Variants in USP28 observed in about 807,000 individuals in gnomAD.
USP28 encodes the protein ubiquitin specific peptidase 28.
In USP28, 113 loss-of-function variants were observed where a neutral mutation model predicts 145.0. The observed-to-expected ratio is 0.78, with a 90% CI of 0.67 to 0.91. The LOEUF is 0.91. Among genes scored for constraint, USP28 ranks in the 40% least tolerant of loss-of-function variants. USP28 has a pLI of 0.00. For missense variants in USP28, 1,201 were observed against 1,289.6 expected, an observed-to-expected ratio of 0.93 and a Z score of 1.05; for synonymous variants, 447 against 450.9, an observed-to-expected ratio of 0.99 and a Z score of 0.11.
intron 5 of USP28, chr11:113,835,395 C>T (rs1944453496): frequency 4.4e-5 from 20 of 454,466 alleles, no homozygotes; most frequent in South Asian, 3.0e-4. Flanking sequence ...ATTCTAAAAG[C>T]CCCAGGTATA....
chr11:113,850,160 G>C (rs528939589), intron 3 of USP28, among the ~76,000 whole-genome samples: 1 of 152,178 alleles, frequency 6.6e-6, no homozygotes, highest in East Asian at 1.9e-4. Flanking sequence ...GTTAAAGAGA[G>C]TATAAATAGG....
chr11:113,843,030 A>C (rs987794306), intron 3 of USP28, among the ~76,000 whole-genome samples: 2 of 152,276 alleles, frequency 1.3e-5, no homozygotes, highest in Admixed American at 6.5e-5. Flanking sequence ...CAGGAGTTTG[A>C]GACCAACCTG....
chr11:113,826,959 C>T (rs1326647731), intron 11 of USP28, among the ~76,000 whole-genome samples: 1 of 151,488 alleles, frequency 6.6e-6, no homozygotes, highest in East Asian at 1.9e-4. Flanking sequence ...TGTAAGTCTG[C>T]TAGGAGCACC....
chr11:113,835,582 G>C (rs185459292), intron 5 of USP28, among the ~76,000 whole-genome samples: 19 of 152,326 alleles, frequency 1.2e-4, no homozygotes, highest in Admixed American at 1.2e-3. Flanking sequence ...TCTGGGACCA[G>C]GGCTTGGCTG....
chr11:113,820,273 A>C (rs1473805184), intron 12 of USP28: 1 of 152,160 alleles, frequency 6.6e-6, no homozygotes, highest in African/African-American at 2.4e-5. Context: ...TTAGAACCCA[A>C]AGGAGAACTA....
chr11:113,851,785 A>C (rs1457794958), intron 3 of USP28, among the ~76,000 whole-genome samples: 1 of 116,798 alleles, frequency 8.6e-6, no homozygotes, highest in East Asian at 2.1e-4. Flanking sequence ...ACTCCATCTC[A>C]AAAAAAAAAA....
chr11:113,842,462 G>A (rs1945309147), intron 3 of USP28, among the ~76,000 whole-genome samples: 1 of 151,960 alleles, frequency 6.6e-6, no homozygotes, highest in Non-Finnish European at 1.5e-5. Context: ...GCGGGCGCCT[G>A]TAGTCCCAGC....
chr11:113,827,418 A>G, intron 10 of USP28, 58 bp from the exon 11 acceptor site: 1 of 1,501,574 alleles, frequency 6.7e-7, no homozygotes, highest in Admixed American at 2.3e-5. Flanking sequence ...AAATTACAAT[A>G]ACCAGATTTA....
chr11:113,811,517 G>A (rs1207167862), intron 16 of USP28, among the ~76,000 whole-genome samples: 2 of 152,074 alleles, frequency 1.3e-5, no homozygotes, highest in African/African-American at 2.4e-5. Context: ...GTGAAACACC[G>A]TTTCTACTAA....
chr11:113,840,842 G>A (rs1302220192), intron 4 of USP28, 85 bp from the exon 5 acceptor site: 2 of 1,458,460 alleles, frequency 1.4e-6, no homozygotes, highest in South Asian at 2.9e-5. Context: ...ACTTTTCGTG[G>A]ATAATTCAAA....
At chr11:113,857,088 TATG>T (rs1348349697) in intron 1 of USP28, among the ~76,000 whole-genome samples, 7 of 152,222 alleles carry the variant, frequency 4.6e-5, no homozygotes, top group African/African-American at 1.7e-4. Flanking sequence ...CCACTTGAAC[TATG>T]ACACAATGTC....
rs1053081886 is a variant in USP28 at position 113,817,413 on chromosome 11, T to C, written c.1463+245A>G. On this transcript the variant is annotated intron_variant, in intron 13 of 24. Coordinates refer to ENST00000003302, the Ensembl canonical transcript of USP28. Reference sequence around the variant, plus strand: ...AAACAAGGCATCACTGGGTGGAGCCTGAACACTATCCTGAACAGTTTGAGA... The same window carrying C: ...AAACAAGGCATCACTGGGTGGAGCCCGAACACTATCCTGAACAGTTTGAGA... Among the ~76,000 whole-genome samples the C allele has an allele frequency of 1.1e-4, 16 of 152,194 alleles. No homozygotes were observed. In the East Asian group the frequency reaches 1.2e-3, roughly 11 times the overall value.
intron 16 of USP28, among the ~76,000 whole-genome samples, chr11:113,810,364 C>T (rs1940778502): frequency 6.6e-6 from 1 of 152,116 alleles, no homozygotes; most frequent in South Asian, 2.1e-4. Flanking sequence ...AACCCTGTGA[C>T]CAAAACAAAC....
At chr11:113,827,277 T>A in exon 11 of USP28, 1 of 1,612,972 alleles carries the variant, frequency 6.2e-7, no homozygotes, top group Non-Finnish European at 8.5e-7. Flanking sequence ...TATTGTGAAT[T>A]TTCTCTGGCT....
At chr11:113,831,877 A>T (rs1217390961) in intron 8 of USP28, 43 bp downstream of exon 8, 1 of 1,578,700 alleles carries the variant, frequency 6.3e-7, no homozygotes, top group East Asian at 2.2e-5. Flanking sequence ...TCACTGGCCC[A>T]CTGTGAGTCG....
intron 24 of USP28, 104 bp downstream of exon 25, chr11:113,801,379 G>C (rs1449697747): frequency 1.2e-6 from 1 of 846,686 alleles, no homozygotes; most frequent in East Asian, 2.6e-5. Context: ...ATGCTAGAAG[G>C]TTCCAATTCC....
intron 7 of USP28, among the ~76,000 whole-genome samples, chr11:113,832,627 T>C (rs977896671): frequency 3.3e-5 from 5 of 152,076 alleles, no homozygotes; most frequent in Non-Finnish European, 5.9e-5. Context: ...CCCAAGGAAC[T>C]CTAGAACAAT....
intron 1 of USP28, among the ~76,000 whole-genome samples, chr11:113,869,195 G>C (rs758759641): frequency 3.3e-5 from 5 of 152,156 alleles, no homozygotes; most frequent in Non-Finnish European, 7.4e-5. Context: ...CACTTTGGGA[G>C]GCCAAGGCAG....
chr11:113,804,888 T>C, exon 20 of USP28: 1 of 1,614,160 alleles, frequency 6.2e-7, no homozygotes, highest in Non-Finnish European at 8.5e-7. Flanking sequence ...AGCTAAGATT[T>C]TTATCTGCAA....
Sources: gnomAD v4.1 joint callset for allele counts (sites outside exome capture counted in the v4.1 genomes callset) on GRCh38, gnomAD v4.1.1 for gene constraint, MANE v1.5 for transcripts, NCBI Gene and HGNC (gene_info 2026-07-23, HGNC 2026-07-21) for gene names.